The following PTPRD variants were observed in gnomAD, a reference collection of about 807,000 sequenced individuals.
The protein encoded by PTPRD is receptor-type tyrosine-protein phosphatase delta.
Under a neutral mutation model 214.5 loss-of-function variants are expected in PTPRD, and 34 were observed. The ratio of observed to expected loss-of-function variants is 0.16; its 90% CI spans 0.12 to 0.21. The LOEUF (loss-of-function observed/expected upper bound fraction) is 0.21, where lower values mean the gene tolerates loss of function less well. Ranked by LOEUF, PTPRD falls within the 10% of genes least tolerant of loss-of-function variation. The pLI, the probability that PTPRD is intolerant of heterozygous loss-of-function variation, is 1.00. For synonymous variants in PTPRD, 1,128 were observed against 845.7 expected, an observed-to-expected ratio of 1.33 and a Z score of -5.79; for missense variants, 2,545 against 2,398.7, an observed-to-expected ratio of 1.06 and a Z score of -1.27.
chr9:10,238,875 T>TA (rs2154361210), intron 3 of PTPRD, among the ~76,000 whole-genome samples: 1 of 152,014 alleles, frequency 6.6e-6, no homozygotes, highest in Non-Finnish European at 1.5e-5. Flanking sequence ...TACTACTTCC[T>TA]AGGGGAGATT....
At chr9:10,543,668 C>T (rs1039647044) in intron 2 of PTPRD, among the ~76,000 whole-genome samples, 3 of 152,190 alleles carry the variant, frequency 2.0e-5, no homozygotes, top group African/African-American at 4.8e-5. Flanking sequence ...TGAAGTTGGA[C>T]ATTTGAACTA....
At chr9:9,906,017 G>A (rs1288600616) in intron 5 of PTPRD, among the ~76,000 whole-genome samples, 2 of 151,910 alleles carry the variant, frequency 1.3e-5, no homozygotes, top group African/African-American at 4.8e-5. Context: ...TTTGTAACTT[G>A]AAGTACAGCT....
intron 10 of PTPRD, among the ~76,000 whole-genome samples, chr9:9,021,160 G>A (rs557280371): frequency 3.2e-4 from 49 of 152,050 alleles, no homozygotes; most frequent in Non-Finnish European, 2.9e-5. Flanking sequence ...CATATCTTTT[G>A]TTACATAAAC....
intron 11 of PTPRD, among the ~76,000 whole-genome samples, chr9:8,909,546 C>T (rs2098732447): frequency 6.6e-6 from 1 of 152,098 alleles, no homozygotes; most frequent in African/African-American, 2.4e-5. Context: ...AAATCAAACA[C>T]CCATTCCAGA....
At position 9,678,012 on chromosome 9, in the gene PTPRD, G is replaced by A. The variant is rs544222518; in HGVS notation, c.-287+56521C>T. Among the ~76,000 whole-genome samples the A allele has an allele frequency of 1.1e-4, 17 of 152,192 alleles. No individual in the cohort carries two copies. In the South Asian group the frequency reaches 3.3e-3, roughly 30 times the overall value. On this transcript the variant is annotated intron_variant, in intron 7 of 45. Transcript: ENST00000381196. Reference sequence around the variant, plus strand: ...AAATACCTAGGAATTCAACTTACAAGGGATGTGAAGGACCTCTTCAAGGAG... The same window carrying A: ...AAATACCTAGGAATTCAACTTACAAAGGATGTGAAGGACCTCTTCAAGGAG...
chr9:8,782,715 A>G (rs2095778357), intron 11 of PTPRD, among the ~76,000 whole-genome samples: 2 of 150,306 alleles, frequency 1.3e-5, no homozygotes, highest in Admixed American at 1.3e-4. Context: ...CTCCTGCCTC[A>G]GCCTCCGGAG....
chr9:8,646,950 C>G (rs2154340541), intron 12 of PTPRD, among the ~76,000 whole-genome samples: 1 of 152,262 alleles, frequency 6.6e-6, no homozygotes, highest in African/African-American at 2.4e-5. Flanking sequence ...GATCTTTGCA[C>G]CTCTATTACA....
intron 11 of PTPRD, among the ~76,000 whole-genome samples, chr9:8,754,564 A>T (rs1184525995): frequency 6.6e-6 from 1 of 152,204 alleles, no homozygotes; most frequent in Non-Finnish European, 1.5e-5. Context: ...AGAAAAACAT[A>T]CACTGACCCT....
intron 14 of PTPRD, among the ~76,000 whole-genome samples, chr9:8,591,092 C>G (rs1317472609): frequency 1.3e-5 from 2 of 152,114 alleles, no homozygotes; most frequent in Non-Finnish European, 2.9e-5. Flanking sequence ...TTGCATAATT[C>G]TGACACTGAC....
intron 5 of PTPRD, among the ~76,000 whole-genome samples, chr9:9,846,986 T>A (rs1007330853): frequency 2.0e-5 from 3 of 152,064 alleles, no homozygotes; most frequent in Admixed American, 6.6e-5. Context: ...AAATATATAT[T>A]TTTTTGAGTA....
chr9:8,968,165 T>C (rs1267979175), intron 11 of PTPRD, among the ~76,000 whole-genome samples: 1 of 152,122 alleles, frequency 6.6e-6, no homozygotes, highest in Non-Finnish European at 1.5e-5. Flanking sequence ...TGTTGGACAT[T>C]TGGGTTGGTT....
intron 8 of PTPRD, among the ~76,000 whole-genome samples, chr9:9,450,120 CTGTGTG>C (rs368924483): frequency 6.6e-4 from 96 of 144,794 alleles, no homozygotes; most frequent in Middle Eastern, 3.5e-3. Flanking sequence ...GTGTGTGTGT[CTGTGTG>C]TGTGTGTGTG....
intron 5 of PTPRD, among the ~76,000 whole-genome samples, chr9:9,787,850 C>A (rs892586524): frequency 6.6e-6 from 1 of 151,734 alleles, no homozygotes; most frequent in East Asian, 1.9e-4. Flanking sequence ...GGCGTGATCT[C>A]GGCTCACTGC....
intron 3 of PTPRD, among the ~76,000 whole-genome samples, chr9:10,094,268 CT>C (rs1010514145): frequency 5.3e-5 from 8 of 151,122 alleles, no homozygotes; most frequent in African/African-American, 1.5e-4. Flanking sequence ...ATTCCAACCC[CT>C]AAGAGACCTA....
chr9:9,890,588 T>C (rs1297804344), intron 5 of PTPRD, among the ~76,000 whole-genome samples: 1 of 152,082 alleles, frequency 6.6e-6, no homozygotes, highest in Non-Finnish European at 1.5e-5. Context: ...ATGCCAGAAT[T>C]ATTTTACAGT....
intron 12 of PTPRD, among the ~76,000 whole-genome samples, chr9:8,699,285 T>G (rs1173066763): frequency 6.6e-6 from 1 of 152,228 alleles, no homozygotes; most frequent in African/African-American, 2.4e-5. Flanking sequence ...TCTGGTTTCT[T>G]GCAGGGCCTT....
chr9:9,164,308 T>G (rs1387403465), intron 10 of PTPRD, among the ~76,000 whole-genome samples: 6 of 152,156 alleles, frequency 3.9e-5, no homozygotes, highest in African/African-American at 1.2e-4. Context: ...CATCTTTAAC[T>G]TTCTGTCTTC....
rs1489169166 is a variant in PTPRD at position 8,460,454 on chromosome 9, C to T, written c.3832G>A (p.Val1278Ile). ...IWVVGPVLAV[V>I]FIICIVIAIL... ...GCAATGACAATGCAGATGATAAAGA[C>T]CACTGCAAGGACAGGACCTACAACC... Residue 1278 changes from valine to isoleucine, a missense_variant, in exon 33 of 46, where the codon GTC (valine) becomes ATC (isoleucine). Val to Ile is a conservative substitution (Grantham distance 29, BLOSUM62 3). Coordinates refer to ENST00000381196, the MANE Select transcript of PTPRD (RefSeq NM_002839.4). 1.2e-6 allele frequency: 2 copies of T among 1,613,442 alleles called. No individual in the cohort carries two copies.
chr9:10,298,041 T>C (rs111704613), intron 3 of PTPRD, among the ~76,000 whole-genome samples: 1 of 152,124 alleles, frequency 6.6e-6, no homozygotes, highest in African/African-American at 2.4e-5. Flanking sequence ...TAACAAAATA[T>C]ATGCAAAACA....
Sources: gnomAD v4.1 joint callset for allele counts (sites outside exome capture counted in the v4.1 genomes callset) on GRCh38, gnomAD v4.1.1 for gene constraint, MANE v1.5 for transcripts, NCBI Gene and HGNC (gene_info 2026-07-23, HGNC 2026-07-21) for gene names.